LACTB2: variants seen among roughly 807,000 people sequenced by gnomAD.
LACTB2 encodes endoribonuclease LACTB2.
In LACTB2, 32 loss-of-function variants were observed where a neutral mutation model predicts 34.8. The ratio of observed to expected loss-of-function variants is 0.92; its 90% confidence interval spans 0.69 to 1.24. The LOEUF is 1.24. Ranked by LOEUF, LACTB2 falls within the 50% of genes most tolerant of loss-of-function variation. The pLI is 0.00. For synonymous variants in LACTB2, 120 were observed against 117.5 expected, an observed-to-expected ratio of 1.02 and a Z score of -0.14; for missense variants, 320 against 345.0, an observed-to-expected ratio of 0.93 and a Z score of 0.57.
At chr8:70,646,860 T>C (rs1217010119) in intron 3 of LACTB2, among the ~76,000 whole-genome samples, 2 of 152,224 alleles carry the variant, frequency 1.3e-5, no homozygotes. Flanking sequence ...TGTGTTATTC[T>C]GTAGGCTTCA....
intron 6 of LACTB2, 32 bp from the exon 7 acceptor site, chr8:70,637,935 A>G: frequency 7.7e-7 from 1 of 1,299,598 alleles, no homozygotes; most frequent in East Asian, 2.5e-5. Flanking sequence ...GTAAAAATTT[A>G]ACAATAGATA....
chr8:70,657,605 T>G, intron 3 of LACTB2, 151 bp downstream of exon 3: 1 of 559,670 alleles, frequency 1.8e-6, no homozygotes, highest in South Asian at 2.9e-5. Context: ...TAATTAAATT[T>G]TTTTTTGGTA....
chr8:70,668,446 T>C lies in LACTB2; in HGVS notation c.122+553A>G, dbSNP rs1159051678. Among the ~76,000 whole-genome samples, 3 of 152,316 alleles carry C rather than the reference T, an allele frequency of 2.0e-5. No homozygotes were observed. In the East Asian group the frequency reaches 5.8e-4, roughly 29 times the overall value. On this transcript the variant is annotated intron_variant, in intron 1 of 6. Transcript: ENST00000276590. The stretch of plus-strand genomic sequence containing the variant: ...TAAACTCAAACAAGGTCACACACAA[T>C]TGTAACAAAAAACTTCCCCAAATTA...
At chr8:70,651,410 A>G (rs1818340006) in intron 3 of LACTB2, among the ~76,000 whole-genome samples, 1 of 152,214 alleles carries the variant, frequency 6.6e-6, no homozygotes, top group Non-Finnish European at 1.5e-5. Context: ...AAATAATTCC[A>G]AGGGGTGTAT....
chr8:70,661,452 C>T (rs1818480248), intron 2 of LACTB2: 1 of 316,282 alleles, frequency 3.2e-6, no homozygotes, highest in Admixed American at 4.8e-5. Flanking sequence ...AGTGCAGTGC[C>T]TGGCACAGAG....
Position 70,668,848 on chromosome 8 carries a change from T to C in LACTB2, c.122+151A>G, listed in dbSNP as rs372613102. 8.1e-6 allele frequency: 8 copies of C among 981,672 alleles called. No individual in the cohort carries two copies. The African/African-American group carries it at 8.6e-5, about 11-fold the overall frequency. The allele number at this position is 981,672 out of a possible 1,614,324, so 60.8% of individuals were successfully genotyped here. On this transcript the variant is annotated intron_variant, in intron 1 of 6. Coordinates refer to ENST00000276590, the MANE Select transcript of LACTB2 (RefSeq NM_016027.3). ...TAGCTAGCTTCGAGATCCGAGTGTC[T>C]GCGTGCAGTCCCGACGGGGCTGCTA...
chr8:70,638,436 T>G (rs1818150607), intron 6 of LACTB2, 112 bp downstream of exon 6: 1 of 1,170,376 alleles, frequency 8.5e-7, no homozygotes. Flanking sequence ...CAACTTAAAG[T>G]GATATTCATG....
rs903765436 is a variant in LACTB2, at chr8:70,638,478, A to G, written c.823+70T>C. 4.2e-6 allele frequency: 6 copies of G among 1,437,652 alleles called. No homozygotes were observed. In the African/African-American group the frequency reaches 9.0e-5, roughly 22 times the overall value. The allele number at this position is 1,437,652 out of a possible 1,614,324, so 89.1% of individuals were successfully genotyped here. On this transcript the variant is annotated intron_variant, in intron 6 of 6. Coordinates refer to ENST00000276590, the MANE Select transcript of LACTB2 (RefSeq NM_016027.3). ...CTCTGATGGGTATTATTTTTCCTCAAAGGAAACTAAGGCATCTGTAAAAAT... is the reference window on the plus strand; with the variant it reads ...CTCTGATGGGTATTATTTTTCCTCAGAGGAAACTAAGGCATCTGTAAAAAT...
intron 3 of LACTB2, among the ~76,000 whole-genome samples, chr8:70,647,187 T>G (rs1818273660): frequency 6.6e-6 from 1 of 152,134 alleles, no homozygotes. Flanking sequence ...GATAATTACC[T>G]GCTATTCTAG....
chr8:70,643,817 A>G (rs938768668), intron 4 of LACTB2, among the ~76,000 whole-genome samples: 1 of 152,070 alleles, frequency 6.6e-6, no homozygotes, highest in African/African-American at 2.4e-5. Context: ...CTGGCCTTAT[A>G]TGTTATCTCT....
intron 1 of LACTB2, among the ~76,000 whole-genome samples, chr8:70,667,323 G>A (rs1042376076): frequency 2.0e-5 from 3 of 152,198 alleles, no homozygotes; most frequent in African/African-American, 7.2e-5. Context: ...TTTGTGAAGC[G>A]GAACAGGTGG....
chr8:70,649,007 GA>G, intron 3 of LACTB2, among the ~76,000 whole-genome samples: 1 of 152,242 alleles, frequency 6.6e-6, no homozygotes, highest in Admixed American at 6.5e-5. Flanking sequence ...AGAAGGAAAT[GA>G]AACCTTGCAG....
intron 2 of LACTB2, 24 bp downstream of exon 2, chr8:70,661,710 G>A (rs1309078762): frequency 2.5e-6 from 4 of 1,596,412 alleles, no homozygotes; most frequent in Non-Finnish European, 3.4e-6. Context: ...TCCTCAATGA[G>A]CTTAATGAAT....
At chr8:70,659,223 C>T (rs1214140829) in intron 2 of LACTB2, among the ~76,000 whole-genome samples, 1 of 152,094 alleles carries the variant, frequency 6.6e-6, no homozygotes, top group Non-Finnish European at 1.5e-5. Flanking sequence ...GTAATCACTG[C>T]ACACTCTTTA....
rs1215287868 is a variant in LACTB2 at position 70,661,747 on chromosome 8, T to C, written c.273A>G (p.Lys91=). 6 of 1,608,172 alleles carry C rather than the reference T, an allele frequency of 3.7e-6. No homozygotes were observed. Among genetic ancestry groups the C allele is most frequent in the Non-Finnish European group, 5.1e-6 (6 of 1,178,634 alleles). ...DHSGGIGDIC[K]SINNDTTYCI... is the part of the protein sequence containing the mutation. ...TTTTCTGTTTACCATTATTGATGCT[T>C]TTACAAATATCTCCTATGCCTCCAG... Residue 91 remains lysine (K), a synonymous_variant, in exon 2 of 7, where the codon AAA becomes AAG. Transcript: ENST00000276590.
chr8:70,662,114 A>G, intron 1 of LACTB2: 1 of 404,768 alleles, frequency 2.5e-6, no homozygotes, highest in Non-Finnish European at 4.4e-6. Context: ...TGAACAAGGA[A>G]TAATAGCAGT....
At chr8:70,659,390 G>C (rs1818455114) in intron 2 of LACTB2, among the ~76,000 whole-genome samples, 1 of 152,068 alleles carries the variant, frequency 6.6e-6, no homozygotes, top group African/African-American at 2.4e-5. Flanking sequence ...GAAATATGAA[G>C]GGAGAAAGAG....
At chr8:70,655,971 A>G (rs551313824) in intron 3 of LACTB2, among the ~76,000 whole-genome samples, 2 of 152,118 alleles carry the variant, frequency 1.3e-5, no homozygotes, top group African/African-American at 4.8e-5. Context: ...GTATTTTTTC[A>G]TGTTTGTTGG....
chr8:70,646,111 A>G (rs1392646537), intron 3 of LACTB2: 2 of 152,176 alleles, frequency 1.3e-5, no homozygotes, highest in African/African-American at 4.8e-5. Context: ...AGTCCCAGCA[A>G]CAGTGTAAAA....
Sources: gnomAD v4.1 joint callset for allele counts (sites outside exome capture counted in the v4.1 genomes callset) on GRCh38, gnomAD v4.1.1 for gene constraint, MANE v1.5 for transcripts, NCBI Gene and HGNC (gene_info 2026-07-23, HGNC 2026-07-21) for gene names.